The following ANO3 variants were observed in gnomAD, a reference collection of about 807,000 sequenced individuals.
ANO3 encodes anoctamin-3.
A neutral mutation model predicts 144.8 loss-of-function variants in ANO3; 99 were observed. That is an observed-to-expected ratio of 0.68 (90% CI 0.58 to 0.81). ANO3 has a LOEUF of 0.81. ANO3 is among the 30% of genes least tolerant of loss of function. ANO3 has a pLI of 0.00. For missense variants in ANO3, 905 were observed against 1,202.2 expected (o/e 0.75, Z 3.66); for synonymous variants, 414 against 392.6 (o/e 1.05, Z -0.64).
chr11:26,599,026 GT>G, intron 16 of ANO3, 28 bp downstream of exon 16: 2 of 1,606,888 alleles, frequency 1.2e-6, no homozygotes, highest in Non-Finnish European at 1.7e-6. Flanking sequence ...ATATCAAAAT[GT>G]TTTGGGATTC....
chr11:26,593,297 G>A (rs1034073187), intron 14 of ANO3, among the ~76,000 whole-genome samples: 1 of 152,124 alleles, frequency 6.6e-6, no homozygotes, highest in Non-Finnish European at 1.5e-5. Context: ...TTGCTAGGAT[G>A]TCTCTCTCTA....
chr11:26,582,166 A>G (rs1590583652), intron 14 of ANO3, among the ~76,000 whole-genome samples: 1 of 152,336 alleles, frequency 6.6e-6, no homozygotes, highest in Non-Finnish European at 1.5e-5. Flanking sequence ...TTTGTTCAGT[A>G]CCACACTGCT....
intron 18 of ANO3, among the ~76,000 whole-genome samples, chr11:26,628,849 T>C (rs934146044): frequency 1.3e-5 from 2 of 152,224 alleles, no homozygotes; most frequent in Non-Finnish European, 2.9e-5. Flanking sequence ...ATTATTGGGA[T>C]AGCTGGTGTC....
chr11:26,551,902 A>G (rs1190577467), intron 12 of ANO3, among the ~76,000 whole-genome samples: 4 of 152,028 alleles, frequency 2.6e-5, no homozygotes, highest in Admixed American at 2.0e-4. Context: ...TAGAAGAGCT[A>G]TAGTATATGT....
At chr11:26,424,495 T>C (rs1438379065) in intron 1 of ANO3, among the ~76,000 whole-genome samples, 1 of 152,076 alleles carries the variant, frequency 6.6e-6, no homozygotes. Flanking sequence ...GCCCAGGGTA[T>C]GCTAAGAGCA....
chr11:26,383,991 G>A (rs528676310), intron 1 of ANO3, among the ~76,000 whole-genome samples: 14 of 134,700 alleles, frequency 1.0e-4, no homozygotes, highest in African/African-American at 3.3e-4. Flanking sequence ...TCCGCTTCTC[G>A]GGTGCAAGTG....
At chr11:26,519,856 C>T (rs1323665128) in intron 6 of ANO3, among the ~76,000 whole-genome samples, 1 of 152,124 alleles carries the variant, frequency 6.6e-6, no homozygotes, top group Non-Finnish European at 1.5e-5. Flanking sequence ...CTTTCTTTAA[C>T]ACATGTTCAT....
At chr11:26,232,227 G>T (rs774855466) in intron 1 of ANO3, among the ~76,000 whole-genome samples, 17 of 152,164 alleles carry the variant, frequency 1.1e-4, no homozygotes, top group Non-Finnish European at 2.4e-4. Context: ...ACCCATGAGG[G>T]TTAAATCTAG....
At chr11:26,596,147 C>T (rs962010910) in intron 14 of ANO3, among the ~76,000 whole-genome samples, 2 of 151,836 alleles carry the variant, frequency 1.3e-5, no homozygotes, top group Admixed American at 6.6e-5. Context: ...GAATAGGGCA[C>T]ACTGTTTTTC....
intron 5 of ANO3, among the ~76,000 whole-genome samples, chr11:26,515,325 T>G (rs1171728324): frequency 1.8e-5 from 2 of 111,980 alleles, no homozygotes; most frequent in East Asian, 5.5e-4. Flanking sequence ...TTCAGCATAC[T>G]TTATCTCCTG....
At chr11:26,457,907 T>A (rs1238267195) in intron 3 of ANO3, among the ~76,000 whole-genome samples, 1 of 152,102 alleles carries the variant, frequency 6.6e-6, no homozygotes, top group African/African-American at 2.4e-5. Flanking sequence ...TTTGTGAAAA[T>A]CTGTTTTTCT....
At chr11:26,495,710 G>A (rs1860908223) in intron 4 of ANO3, among the ~76,000 whole-genome samples, 5 of 152,128 alleles carry the variant, frequency 3.3e-5, no homozygotes, top group Admixed American at 3.3e-4. Flanking sequence ...GGTCTTCTGG[G>A]TCATGGAAAG....
intron 1 of ANO3, chr11:26,287,859 A>T (rs1853844795): frequency 6.6e-6 from 1 of 152,224 alleles, no homozygotes; most frequent in Non-Finnish European, 1.5e-5. Context: ...ATGGCAGAGG[A>T]TGAGTTGAAA....
Position 26,590,047 on chromosome 11 carries a change from A to T in ANO3, c.1448-8318A>T, listed in dbSNP as rs1240870580. Reference sequence around the variant, plus strand: ...CTGACCTTCTCCAAGGTTAGAAACCAACAGGGATAACATCTCTGCCCTTTA... The same window carrying T: ...CTGACCTTCTCCAAGGTTAGAAACCTACAGGGATAACATCTCTGCCCTTTA... On this transcript the variant is annotated intron_variant, in intron 14 of 26. Coordinates refer to ENST00000256737, the MANE Select transcript of ANO3 (RefSeq NM_031418.4). 5.1e-4 allele frequency among the ~76,000 whole-genome samples: 78 copies of T among 152,290 alleles called. 1 individual carries two copies. Among genetic ancestry groups the T allele is most frequent in the African/African-American group, 1.7e-3 (72 of 41,570 alleles).
intron 1 of ANO3, among the ~76,000 whole-genome samples, chr11:26,201,767 T>C (rs117219573): frequency 6.6e-6 from 1 of 151,774 alleles, no homozygotes; most frequent in Non-Finnish European, 1.5e-5. Context: ...GTTTTGTTTT[T>C]TTTTTTTTTT....
chr11:26,386,905 T>C (rs184641684), intron 1 of ANO3, among the ~76,000 whole-genome samples: 3 of 152,260 alleles, frequency 2.0e-5, no homozygotes, highest in Admixed American at 2.0e-4. Context: ...TGACCTGGCA[T>C]GTTGAATGTG....
intron 1 of ANO3, among the ~76,000 whole-genome samples, chr11:26,356,474 G>C (rs1026220032): frequency 3.9e-5 from 6 of 151,982 alleles, no homozygotes; most frequent in African/African-American, 1.4e-4. Context: ...GCATTTTCTA[G>C]AATTTTACAT....
rs560754047 is a variant in ANO3, at chr11:26,341,083, T to A, written c.46+8762T>A. Among the ~76,000 whole-genome samples the A allele has an allele frequency of 1.2e-4, 18 of 152,004 alleles. No individual in the cohort carries two copies. In the South Asian group the frequency reaches 3.5e-3, roughly 30 times the overall value. ...TTTCTTTTCTCTCCCTTACCTCCCC[T>A]CCCCTCCCCGCTTCTCTTCCCCTTT... On this transcript the variant is annotated intron_variant, in intron 1 of 26. Coordinates refer to ENST00000256737, the MANE Select transcript of ANO3 (RefSeq NM_031418.4).
rs78465370 is a variant in ANO3, at chr11:26,645,709, G to A, written c.2429-2000G>A. ...AACACACACTGGGGCCTTTTTGGGG[G>A]GCAGAGGGAGGGAGAGCATCAGGAA... On this transcript the variant is annotated intron_variant, in intron 23 of 26. Transcript: ENST00000256737. 2.6e-3 allele frequency among the ~76,000 whole-genome samples: 392 copies of A among 152,074 alleles called. 6 individuals are homozygous for A. The highest frequency in any genetic ancestry group is 0.025 in the East Asian group (127 of 5,176).
Sources: gnomAD v4.1 joint callset for allele counts (sites outside exome capture counted in the v4.1 genomes callset) on GRCh38, gnomAD v4.1.1 for gene constraint, MANE v1.5 for transcripts, NCBI Gene and HGNC (gene_info 2026-07-23, HGNC 2026-07-21) for gene names.